The following SLC35D1 variants were observed in gnomAD, a reference collection of about 807,000 sequenced individuals.
SLC35D1 encodes the protein solute carrier family 35 member D1, also known as nucleotide sugar transporter SLC35D1.
SLC35D1 carries 31 observed loss-of-function variants against 46.7 expected under a neutral mutation model. The ratio of observed to expected loss-of-function variants is 0.66; its 90% CI spans 0.50 to 0.90. SLC35D1 has a LOEUF of 0.90. Ranked by LOEUF, SLC35D1 falls within the 40% of genes least tolerant of loss-of-function variation. The pLI is 0.00. For missense variants in SLC35D1, 397 were observed against 426.2 expected (o/e 0.93, Z 0.60); for synonymous variants, 195 against 164.6 (o/e 1.18, Z -1.41).
chr1:67,026,889 C>A (rs1458984013), intron 8 of SLC35D1, among the ~76,000 whole-genome samples: 1 of 152,018 alleles, frequency 6.6e-6, no homozygotes, highest in East Asian at 1.9e-4. Context: ...GGGGGAAGAC[C>A]CTTATAAAAT....
At chr1:66,983,977 G>C in the SLC35D1 span, among the ~76,000 whole-genome samples, 7 of 152,154 alleles carry the variant, frequency 4.6e-5, no homozygotes, top group South Asian at 1.4e-3. Flanking sequence ...ACCCGCCTTG[G>C]CCTCCCAAAG....
chr1:66,979,153 C>T, the SLC35D1 span, among the ~76,000 whole-genome samples: 2 of 151,894 alleles, frequency 1.3e-5, no homozygotes, highest in East Asian at 3.9e-4. Flanking sequence ...TACTGAGACT[C>T]TTCCCTTTTA....
intron 8 of SLC35D1, among the ~76,000 whole-genome samples, chr1:67,029,407 G>A (rs947068751): frequency 2.0e-5 from 3 of 152,144 alleles, no homozygotes; most frequent in African/African-American, 7.2e-5. Flanking sequence ...CTCATGCTAC[G>A]CTCCTTCATA....
chr1:67,050,182 G>T (rs957586322), intron 5 of SLC35D1, among the ~76,000 whole-genome samples: 3 of 152,134 alleles, frequency 2.0e-5, no homozygotes, highest in African/African-American at 7.2e-5. Context: ...TTCTGATCCA[G>T]CTTCTCCCGG....
chr1:66,986,796 G>T, the SLC35D1 span: 1 of 205,880 alleles, frequency 4.9e-6, no homozygotes, highest in African/African-American at 2.3e-5. Flanking sequence ...ATCCAGAATG[G>T]CAGTAGCTTT....
At chr1:67,007,308 GTA>G (rs1667471985) in intron 11 of SLC35D1, among the ~76,000 whole-genome samples, 1 of 152,198 alleles carries the variant, frequency 6.6e-6, no homozygotes, top group Admixed American at 6.5e-5. Context: ...TTCACAGACA[GTA>G]TCTTCTCATC....
chr1:66,973,101 A>C, the SLC35D1 span: 36 of 611,654 alleles, frequency 5.9e-5, no homozygotes, highest in Non-Finnish European at 8.5e-5. Context: ...CATAATTAAT[A>C]TGACAATATT....
the SLC35D1 span, among the ~76,000 whole-genome samples, chr1:66,981,254 C>G: frequency 6.6e-4 from 99 of 150,404 alleles, 1 homozygote; most frequent in Non-Finnish European, 9.0e-4. Flanking sequence ...CAGGATAAAA[C>G]CAGCAGATAA....
chr1:67,045,965 CACTA>C (rs1316120938), intron 7 of SLC35D1, among the ~76,000 whole-genome samples: 1 of 152,136 alleles, frequency 6.6e-6, no homozygotes, highest in African/African-American at 2.4e-5. Flanking sequence ...TAAGATCAAT[CACTA>C]ACTGCTACCT....
the SLC35D1 span, chr1:66,985,757 A>G: frequency 1.0e-5 from 10 of 962,048 alleles, no homozygotes; most frequent in Non-Finnish European, 1.2e-5. Flanking sequence ...GTGTTTGTGT[A>G]GTAATTAAGT....
chr1:67,018,062 CA>C (rs1216561467), intron 10 of SLC35D1, among the ~76,000 whole-genome samples: 1 of 152,016 alleles, frequency 6.6e-6, no homozygotes, highest in Non-Finnish European at 1.5e-5. Flanking sequence ...CTATGAGACA[CA>C]AAGTAAATTG....
chr1:67,048,993 T>A (rs1384109602), intron 6 of SLC35D1, among the ~76,000 whole-genome samples: 1 of 152,162 alleles, frequency 6.6e-6, no homozygotes, highest in East Asian at 1.9e-4. Context: ...TTTAGCAGCA[T>A]GCAAAATTAA....
chr1:66,975,968 A>G, the SLC35D1 span, among the ~76,000 whole-genome samples: 1 of 150,994 alleles, frequency 6.6e-6, no homozygotes, highest in Non-Finnish European at 1.5e-5. Flanking sequence ...TTTAACATGA[A>G]TGCCACTTCC....
chr1:66,976,934 CTT>C, the SLC35D1 span, among the ~76,000 whole-genome samples: 12 of 152,182 alleles, frequency 7.9e-5, no homozygotes, highest in East Asian at 2.1e-3. Context: ...TTTTCAGTGT[CTT>C]ATGAAATATT....
At chr1:66,985,284 T>G in the SLC35D1 span, 2 of 984,344 alleles carry the variant, frequency 2.0e-6, no homozygotes, top group Non-Finnish European at 2.4e-6. Flanking sequence ...CTTAGTTTGA[T>G]GGATGAATGG....
rs1667351576 is a variant in SLC35D1 at position 67,002,117 on chromosome 1, T to C, written c.*2223A>G. ...ATTATTCAAACGTCCCTCCTTCATG[T>C]TGCTGACAGAAAGAACAGAATCACT... On this transcript the variant is annotated 3_prime_UTR_variant, in exon 12 of 12. Coordinates refer to ENST00000235345, the MANE Select transcript of SLC35D1 (RefSeq NM_015139.3). 1 of 152,382 alleles carries C rather than the reference T, an allele frequency of 6.6e-6. No individual in the cohort carries two copies. Among genetic ancestry groups the C allele is most frequent in the African/African-American group, 2.4e-5 (1 of 41,438 alleles). 9.4% of individuals were successfully genotyped at this position (152,382 alleles called of 1,614,324 possible). A position where few individuals can be genotyped will look rare whatever the true frequency, so the allele number is the denominator to read the frequency against.
At chr1:67,026,671 A>T (rs1241505309) in intron 8 of SLC35D1, among the ~76,000 whole-genome samples, 1 of 152,198 alleles carries the variant, frequency 6.6e-6, no homozygotes, top group Non-Finnish European at 1.5e-5. Flanking sequence ...ATTAAGGCTT[A>T]TGATTAATTT....
At chr1:66,979,841 T>G in the SLC35D1 span, among the ~76,000 whole-genome samples, 1 of 151,864 alleles carries the variant, frequency 6.6e-6, no homozygotes, top group Non-Finnish European at 1.5e-5. Context: ...CTCGGCTCAC[T>G]GCAACCTCCA....
the SLC35D1 span, among the ~76,000 whole-genome samples, chr1:66,989,917 CAA>C: frequency 2.0e-5 from 3 of 152,306 alleles, no homozygotes; most frequent in African/African-American, 7.2e-5. Context: ...AGCTTGTTCC[CAA>C]GAGGGGCTTT....
Sources: allele counts gnomAD v4.1 joint callset (sites outside exome capture counted in the v4.1 genomes callset), GRCh38; gene constraint gnomAD v4.1.1; transcripts MANE v1.5; gene names NCBI Gene and HGNC (gene_info 2026-07-23, HGNC 2026-07-21).